Variants in ZNF438 observed in about 807,000 individuals in gnomAD.
The protein encoded by ZNF438 is zinc finger protein 438.
In ZNF438, 25 loss-of-function variants were observed where a neutral mutation model predicts 38.0. The observed-to-expected ratio is 0.66, with a 90% CI of 0.48 to 0.92. ZNF438 has a LOEUF of 0.92. Ranked by LOEUF, ZNF438 falls within the 40% of genes least tolerant of loss-of-function variation. The probability of loss-of-function intolerance (pLI) is 0.00; values close to 1 mark genes in which losing one functional copy is unlikely to be tolerated. For synonymous variants in ZNF438, 372 were observed against 364.1 expected (o/e 1.02, Z -0.25); for missense variants, 1,007 against 999.6 (o/e 1.01, Z -0.10).
chr10:30,904,638 T>C (rs537883640), intron 3 of ZNF438, among the ~76,000 whole-genome samples: 1 of 152,134 alleles, frequency 6.6e-6, no homozygotes, highest in Non-Finnish European at 1.5e-5. Context: ...CACACTCTGG[T>C]CTGGACCTTC....
chr10:30,884,082 C>G (rs1324420952), intron 3 of ZNF438, among the ~76,000 whole-genome samples: 1 of 151,962 alleles, frequency 6.6e-6, no homozygotes, highest in Non-Finnish European at 1.5e-5. Flanking sequence ...CTTTTGCAAT[C>G]AGAAAAAAAT....
intron 3 of ZNF438, among the ~76,000 whole-genome samples, chr10:30,894,358 G>A (rs986305193): frequency 6.6e-6 from 1 of 152,322 alleles, no homozygotes; most frequent in South Asian, 2.1e-4. Context: ...TGCCAGTTCA[G>A]GTTCCTACCG....
intron 1 of ZNF438, among the ~76,000 whole-genome samples, chr10:30,977,983 G>GAA (rs775131546): frequency 7.5e-6 from 1 of 134,056 alleles, no homozygotes. Context: ...CTCCGTCTCC[G>GAA]AAAAAAAAAA....
intron 1 of ZNF438, among the ~76,000 whole-genome samples, chr10:31,026,587 A>G (rs1004703475): frequency 6.6e-6 from 1 of 152,144 alleles, no homozygotes; most frequent in African/African-American, 2.4e-5. Flanking sequence ...AAAGTCAGGA[A>G]ACAACAGGTG....
chr10:30,998,482 G>A (rs1290064643), intron 1 of ZNF438, among the ~76,000 whole-genome samples: 1 of 133,222 alleles, frequency 7.5e-6, no homozygotes, highest in South Asian at 2.5e-4. Flanking sequence ...GGCGGAGCTT[G>A]CAGTGAGCCG....
chr10:30,984,577 C>A (rs896785442), intron 1 of ZNF438, among the ~76,000 whole-genome samples, 151 bp from the exon 2 acceptor site: 1 of 151,794 alleles, frequency 6.6e-6, no homozygotes, highest in Admixed American at 6.6e-5. Flanking sequence ...GAAAATAATT[C>A]CATAGTTGAT....
exon 5 of ZNF438, chr10:30,849,417 G>T: frequency 1.2e-6 from 2 of 1,614,168 alleles, no homozygotes; most frequent in Non-Finnish European, 8.5e-7. Context: ...GTGGTGGAGG[G>T]TATCTTATCA....
At chr10:30,850,858 G>A (rs1041189229) in intron 4 of ZNF438, among the ~76,000 whole-genome samples, 37 of 152,116 alleles carry the variant, frequency 2.4e-4, no homozygotes, top group Admixed American at 1.6e-3. Context: ...ATTTCCCACT[G>A]TATCCTTTGT....
chr10:30,964,064 G>A (rs1160615509), intron 1 of ZNF438, among the ~76,000 whole-genome samples: 1 of 152,076 alleles, frequency 6.6e-6, no homozygotes, highest in Non-Finnish European at 1.5e-5. Flanking sequence ...CATGTCCTAG[G>A]TGGAAGCTTT....
rs142014306 is a variant in ZNF438 at position 30,977,098 on chromosome 10, A to G, written c.-191-35447T>C. On this transcript the variant is annotated intron_variant, in intron 1 of 5. Coordinates refer to ENST00000413025, the Ensembl canonical transcript of ZNF438. ...ATATTAACATCATTCTATTATTAAT[A>G]CCAAAAGCTTAAAAGTAACTTGGAA... 6.5e-3 allele frequency among the ~76,000 whole-genome samples: 993 copies of G among 152,322 alleles called. 12 individuals are homozygous for G. The highest frequency in any genetic ancestry group is 0.022 in the African/African-American group (930 of 41,570).
chr10:30,878,875 G>A (rs2038839238), intron 3 of ZNF438, among the ~76,000 whole-genome samples: 1 of 151,986 alleles, frequency 6.6e-6, no homozygotes, highest in Admixed American at 6.5e-5. Flanking sequence ...GAGTAAACAG[G>A]GCACCCCCAT....
chr10:30,848,442 T>C (rs1376450776), intron 5 of ZNF438, 89 bp downstream of exon 6: 1 of 1,458,112 alleles, frequency 6.9e-7, no homozygotes, highest in Non-Finnish European at 9.2e-7. Flanking sequence ...AGATGTTTTA[T>C]AAACTCTCCT....
At chr10:31,025,079 A>G (rs2056851989) in intron 1 of ZNF438, among the ~76,000 whole-genome samples, 2 of 152,224 alleles carry the variant, frequency 1.3e-5, no homozygotes, top group African/African-American at 4.8e-5. Context: ...CAGCTATCCA[A>G]CAAACTAAAA....
intron 4 of ZNF438, among the ~76,000 whole-genome samples, chr10:30,853,272 T>C (rs2034017771): frequency 6.6e-6 from 1 of 152,232 alleles, no homozygotes; most frequent in Non-Finnish European, 1.5e-5. Context: ...CTTGAAAGAA[T>C]ATGTGACAAT....
chr10:30,852,061 G>C (rs1476209939), intron 4 of ZNF438, among the ~76,000 whole-genome samples: 2 of 151,830 alleles, frequency 1.3e-5, no homozygotes, highest in African/African-American at 4.8e-5. Flanking sequence ...TACTGGCGAG[G>C]CTGAGGCAGG....
chr10:30,874,617 T>G (rs1319777266), intron 4 of ZNF438, among the ~76,000 whole-genome samples: 2 of 152,192 alleles, frequency 1.3e-5, no homozygotes, highest in Non-Finnish European at 1.5e-5. Context: ...ACATATATTA[T>G]TTTTCCTTAT....
At chr10:31,032,257 C>T (rs954277525), upstream of ZNF438, among the ~76,000 whole-genome samples, 4 of 152,204 alleles carry the variant, frequency 2.6e-5, no homozygotes, top group East Asian at 5.8e-4. Context: ...AGACATTGCC[C>T]GCCTTCCTCA....
intron 1 of ZNF438, among the ~76,000 whole-genome samples, chr10:31,008,823 C>T (rs1054010342): frequency 1.3e-5 from 2 of 152,198 alleles, no homozygotes; most frequent in Non-Finnish European, 2.9e-5. Context: ...CATAGGGTAA[C>T]ACCTTTTGAA....
chr10:30,998,300 G>A (rs2054260617), intron 1 of ZNF438, among the ~76,000 whole-genome samples: 1 of 151,888 alleles, frequency 6.6e-6, no homozygotes, highest in Admixed American at 6.6e-5. Context: ...TAGCACTTTG[G>A]GAGGCCGAGG....
Sources: gnomAD v4.1 joint callset for allele counts (sites outside exome capture counted in the v4.1 genomes callset) on GRCh38, gnomAD v4.1.1 for gene constraint, MANE v1.5 for transcripts, NCBI Gene and HGNC (gene_info 2026-07-23, HGNC 2026-07-21) for gene names.